Variants in SLC35F1 observed in about 807,000 individuals in gnomAD.
The protein encoded by SLC35F1 is chromosome 6 open reading frame 169.
SLC35F1 carries 14 observed loss-of-function variants against 48.7 expected under a neutral mutation model. The ratio of observed to expected loss-of-function variants is 0.29; its 90% confidence interval spans 0.19 to 0.45. The LOEUF is 0.45. SLC35F1 is among the 20% of genes least tolerant of loss of function. SLC35F1 has a pLI of 1.00. For synonymous variants in SLC35F1, 190 were observed against 202.2 expected, an observed-to-expected ratio of 0.94 and a Z score of 0.51; for missense variants, 404 against 500.0, an observed-to-expected ratio of 0.81 and a Z score of 1.83.
chr6:118,190,922 T>C (rs1156500482), intron 2 of SLC35F1, among the ~76,000 whole-genome samples: 1 of 152,208 alleles, frequency 6.6e-6, no homozygotes, highest in Non-Finnish European at 1.5e-5. Context: ...GATACTTTCC[T>C]GTTTCGCCAA....
intron 4 of SLC35F1, among the ~76,000 whole-genome samples, chr6:118,270,086 A>C (rs556037561): frequency 6.6e-6 from 1 of 152,318 alleles, no homozygotes; most frequent in African/African-American, 2.4e-5. Flanking sequence ...ACAGGAAAAG[A>C]GACTGTCTGA....
intron 2 of SLC35F1, among the ~76,000 whole-genome samples, chr6:118,233,257 G>A (rs912367740): frequency 2.0e-5 from 3 of 152,208 alleles, no homozygotes; most frequent in East Asian, 1.9e-4. Context: ...GAGCCACCGC[G>A]CCCAGCCAGG....
intron 3 of SLC35F1, among the ~76,000 whole-genome samples, chr6:118,255,688 A>G (rs1258677555): frequency 6.6e-6 from 1 of 152,238 alleles, no homozygotes; most frequent in East Asian, 1.9e-4. Flanking sequence ...AAGGGGACAT[A>G]TACAATTTAC....
chr6:118,201,670 G>A (rs1407896628), intron 2 of SLC35F1, among the ~76,000 whole-genome samples: 2 of 152,102 alleles, frequency 1.3e-5, no homozygotes, highest in Admixed American at 1.3e-4. Flanking sequence ...AATTCGGTGG[G>A]TTTTAGTATG....
chr6:118,282,113 AGTT>A (rs1212565384), intron 6 of SLC35F1, among the ~76,000 whole-genome samples: 1 of 152,226 alleles, frequency 6.6e-6, no homozygotes, highest in African/African-American at 2.4e-5. Context: ...GCCATTTTGT[AGTT>A]GTCAGTCAAA....
At chr6:118,059,448 A>G (rs1772506563) in intron 1 of SLC35F1, among the ~76,000 whole-genome samples, 1 of 152,212 alleles carries the variant, frequency 6.6e-6, no homozygotes, top group Non-Finnish European at 1.5e-5. Context: ...TGGGATCTTA[A>G]GGTAAATGCC....
chr6:118,116,452 A>G (rs1773477557), intron 1 of SLC35F1, among the ~76,000 whole-genome samples: 1 of 152,196 alleles, frequency 6.6e-6, no homozygotes, highest in Non-Finnish European at 1.5e-5. Flanking sequence ...TTTGCAGTGA[A>G]TAAAAATCTT....
intron 1 of SLC35F1, among the ~76,000 whole-genome samples, chr6:117,914,468 A>G (rs1456865540): frequency 1.3e-5 from 2 of 152,198 alleles, no homozygotes; most frequent in African/African-American, 4.8e-5. Flanking sequence ...AGAAAGCACA[A>G]AGCACTCTGG....
At chr6:117,913,596 G>C (rs1775789631) in intron 1 of SLC35F1, among the ~76,000 whole-genome samples, 2 of 152,154 alleles carry the variant, frequency 1.3e-5, no homozygotes, top group African/African-American at 4.8e-5. Flanking sequence ...ATCCTTGAAT[G>C]TACAATAGTT....
At chr6:117,940,263 T>C (rs1012378195) in intron 1 of SLC35F1, among the ~76,000 whole-genome samples, 3 of 152,204 alleles carry the variant, frequency 2.0e-5, no homozygotes, top group African/African-American at 7.2e-5. Flanking sequence ...TTCTATTCAC[T>C]GTTGGGGGAT....
At chr6:118,212,739 G>GA (rs1251295781) in intron 2 of SLC35F1, among the ~76,000 whole-genome samples, 11 of 113,556 alleles carry the variant, frequency 9.7e-5, no homozygotes, top group African/African-American at 4.6e-4. Context: ...AGGAAGGAAG[G>GA]AAGGAAGGAA....
At chr6:117,915,666 C>T (rs1266930547) in intron 1 of SLC35F1, among the ~76,000 whole-genome samples, 1 of 152,120 alleles carries the variant, frequency 6.6e-6, no homozygotes, top group African/African-American at 2.4e-5. Context: ...GTCTTAGATG[C>T]TCTAATAAGC....
chr6:118,048,944 C>T (rs1454222581), intron 1 of SLC35F1, among the ~76,000 whole-genome samples: 4 of 152,154 alleles, frequency 2.6e-5, no homozygotes, highest in African/African-American at 4.8e-5. Context: ...GGAGGCCTCA[C>T]GCTACCTGAC....
At chr6:118,026,135 G>A (rs4552765) in intron 1 of SLC35F1, among the ~76,000 whole-genome samples, 151,424 of 152,290 alleles carry the variant, frequency 0.99, 75,289 homozygotes, top group Middle Eastern at 1. Flanking sequence ...GAAGTTAGGA[G>A]TCATAAGAGA....
intron 2 of SLC35F1, among the ~76,000 whole-genome samples, chr6:118,183,360 G>A (rs205941): frequency 0.074 from 11,186 of 152,062 alleles, 1,000 homozygotes; most frequent in African/African-American, 0.22. Context: ...ATTTTTCTTG[G>A]TGCTAAGACA....
chr6:118,017,876 T>C (rs551477983), intron 1 of SLC35F1, among the ~76,000 whole-genome samples: 128 of 152,350 alleles, frequency 8.4e-4, no homozygotes, highest in Non-Finnish European at 1.3e-3. Flanking sequence ...CTTTACACTT[T>C]GCTTTTAAAG....
At chr6:118,086,046 G>A (rs376510531) in intron 1 of SLC35F1, among the ~76,000 whole-genome samples, 2 of 152,078 alleles carry the variant, frequency 1.3e-5, no homozygotes. Context: ...CCTACAGGTA[G>A]GAAAAAGAAT....
chr6:117,908,086 A>G (rs1380476350), intron 1 of SLC35F1, among the ~76,000 whole-genome samples, 187 bp downstream of exon 1: 1 of 152,168 alleles, frequency 6.6e-6, no homozygotes, highest in Non-Finnish European at 1.5e-5. Context: ...GTCCCGGCGC[A>G]GGGAGCCCTG....
At chr6:117,987,514 C>T (rs1776863741) in intron 1 of SLC35F1, among the ~76,000 whole-genome samples, 1 of 151,876 alleles carries the variant, frequency 6.6e-6, no homozygotes, top group Admixed American at 6.6e-5. Flanking sequence ...CCTCTTCCTC[C>T]AGGACACCCA....
Sources: allele counts gnomAD v4.1 joint callset (sites outside exome capture counted in the v4.1 genomes callset), GRCh38; gene constraint gnomAD v4.1.1; transcripts MANE v1.5; gene names NCBI Gene and HGNC (gene_info 2026-07-23, HGNC 2026-07-21).